Variants in PCNT observed in about 807,000 individuals in gnomAD.
PCNT encodes the protein pericentrin.
Under a neutral mutation model 380.4 loss-of-function variants are expected in PCNT, and 319 were observed. That is an observed-to-expected ratio of 0.84 (90% CI 0.77 to 0.92). PCNT has a LOEUF of 0.92. PCNT is among the 40% of genes least tolerant of loss of function. PCNT has a pLI of 0.00. For synonymous variants in PCNT, 1,845 were observed against 1,735.2 expected (o/e 1.06, Z -1.57); for missense variants, 4,400 against 4,255.3 (o/e 1.03, Z -0.95).
chr21:46,346,654 T>G, intron 4 of PCNT, 89 bp from the exon 5 acceptor site: 1 of 1,459,230 alleles, frequency 6.9e-7, no homozygotes, highest in Non-Finnish European at 9.3e-7. Context: ...TGTGTCTTCC[T>G]TACTCATTCT....
intron 1 of PCNT, chr21:46,324,895 A>G: frequency 3.0e-6 from 3 of 985,470 alleles, no homozygotes; most frequent in Non-Finnish European, 3.6e-6. Flanking sequence ...GCGGCGTTGC[A>G]GTCCTTACTG....
At chr21:46,381,978 G>T (rs1256877507) in intron 16 of PCNT, 138 bp downstream of exon 16, 1 of 863,568 alleles carries the variant, frequency 1.2e-6, no homozygotes, top group East Asian at 3.1e-5. Flanking sequence ...TTCAGTGGCG[G>T]AAGCGCATTC....
chr21:46,410,860 A>G (rs1208119052), intron 27 of PCNT, among the ~76,000 whole-genome samples: 5 of 152,244 alleles, frequency 3.3e-5, no homozygotes, highest in Admixed American at 2.0e-4. Context: ...AGGAAAATCA[A>G]ACAAATCAAA....
At chr21:46,382,034 CATTCAAT>C (rs2085565809) in intron 16 of PCNT, among the ~76,000 whole-genome samples, 194 bp downstream of exon 16, 10 of 146,530 alleles carry the variant, frequency 6.8e-5, no homozygotes, top group Admixed American at 2.0e-4. Flanking sequence ...CGGTGTTGTG[CATTCAAT>C]GGCGGAAGCG....
Position 46,401,562 on chromosome 21 carries a change from G to A in PCNT, c.4803G>A (p.Val1601=), listed in dbSNP as rs528474331. 2 of 1,613,058 alleles carry A rather than the reference G, an allele frequency of 1.2e-6. No homozygotes were observed. The highest frequency in any genetic ancestry group is 4.5e-5 in the East Asian group (2 of 44,878). ...TTTTTTTTTAATAGGATAAAGAGGT[G>A]TTAAAGAAACAGCAGATGAGTAGCT... The part of the protein sequence containing the change: ...IVKGLEQDKE[V]LKKQQMSSLL... Residue 1601 remains valine, a synonymous_variant, in exon 26 of 47, where the codon GTG becomes GTA. Transcript: ENST00000359568.
Position 46,390,728 on chromosome 21 carries a change from A to T in PCNT, c.3899A>T (p.Glu1300Val), listed in dbSNP as rs1569241273. The change falls in exon 20 of 47, where the codon GAG becomes GTG. Residue 1300 changes from glutamate (E) to valine (V), a missense_variant. Glu to Val is a moderately radical substitution (Grantham distance 121, BLOSUM62 -2). Transcript: ENST00000359568. ...GAAAAAGAATTTAGTTTTAAGAATG[A>T]GGAGACAGCACAGGTTGTCAGGAAG... is the stretch of plus-strand genomic sequence containing the variant. ...RFEKEFSFKNEETAQVVRKHQ... is the reference protein window; with the variant it reads ...RFEKEFSFKNVETAQVVRKHQ... 1 of 1,613,930 alleles carries T rather than the reference A, an allele frequency of 6.2e-7. No individual in the cohort carries two copies. Among genetic ancestry groups the T allele is most frequent in the Admixed American group, 1.7e-5 (1 of 60,030 alleles).
intron 43 of PCNT, among the ~76,000 whole-genome samples, chr21:46,442,267 C>G (rs2148111841): frequency 6.6e-6 from 1 of 152,208 alleles, no homozygotes; most frequent in Non-Finnish European, 1.5e-5. Context: ...GAGGCTTTGT[C>G]AGGTGGTTGG....
intron 29 of PCNT, among the ~76,000 whole-genome samples, chr21:46,413,507 G>A (rs1012693820): frequency 6.6e-6 from 1 of 152,228 alleles, no homozygotes; most frequent in Non-Finnish European, 1.5e-5. Flanking sequence ...GTTCTGTAAC[G>A]AGCTGTCCAT....
chr21:46,392,431 G>T (rs2086064297), intron 21 of PCNT, among the ~76,000 whole-genome samples: 1 of 152,172 alleles, frequency 6.6e-6, no homozygotes, highest in Non-Finnish European at 1.5e-5. Context: ...ATGTTAGCCA[G>T]CCTGGTCTCG....
rs3831820 is a variant in PCNT, at chr21:46,414,455, C to CCCTCCTCCTCCT, written c.6150+1464_6150+1475dup. 2.8e-3 allele frequency among the ~76,000 whole-genome samples: 341 copies of CCCTCCTCCTCCT among 122,938 alleles called. 5 individuals carry two copies. The highest frequency in any genetic ancestry group is 3.1e-3 in the Admixed American group (39 of 12,612). 80.7% of individuals were successfully genotyped at this position (122,938 alleles called of 152,430 possible). A position where few individuals can be genotyped will look rare whatever the true frequency, so the allele number is the denominator to read the frequency against. ...TCCTCCTCCTGGACACAGTCGCCCA[C>CCCTCCTCCTCCT]CCTCCTCCTCCTGGACACACAGCCG... On this transcript the variant is annotated intron_variant, in intron 29 of 46. Transcript: ENST00000359568.
Position 46,367,956 on chromosome 21 carries a change from T to C in PCNT, c.3165+817T>C, listed in dbSNP as rs182819206. 3.5e-4 allele frequency among the ~76,000 whole-genome samples: 54 copies of C among 152,284 alleles called. No homozygotes were observed. In the Middle Eastern group the frequency reaches 0.014, roughly 38 times the overall value. ...AGGAGGCTGAGGCAGTTGGATTACT[T>C]GAGCCCAGGAGTTTGAAACCAGCCT... is the stretch of plus-strand genomic sequence containing the variant. On this transcript the variant is annotated intron_variant, in intron 15 of 46. Transcript: ENST00000359568.
At chr21:46,363,147 G>T (rs553122481) in intron 13 of PCNT, among the ~76,000 whole-genome samples, 3 of 152,344 alleles carry the variant, frequency 2.0e-5, no homozygotes, top group African/African-American at 7.2e-5. Context: ...ACTGGTCTTG[G>T]TCTGAACAAA....
intron 21 of PCNT, among the ~76,000 whole-genome samples, chr21:46,393,186 C>T (rs943020835): frequency 1.3e-5 from 2 of 152,164 alleles, no homozygotes; most frequent in Non-Finnish European, 2.9e-5. Flanking sequence ...TGCGGGGGAA[C>T]CTCCAGGGCC....
chr21:46,353,947 G>C (rs1197934275), intron 10 of PCNT, 40 bp from the exon 11 acceptor site: 6 of 1,529,912 alleles, frequency 3.9e-6, no homozygotes, highest in Non-Finnish European at 5.4e-6. Context: ...ATGGAAAAGG[G>C]GTACGTGTGT....
Position 46,411,578 on chromosome 21 carries a change from G to C in PCNT, c.5505G>C (p.Leu1835=). The C allele has an allele frequency of 3.7e-6, 6 of 1,612,926 alleles. No homozygotes were observed. The highest frequency in any genetic ancestry group is 4.2e-6 in the Non-Finnish European group (5 of 1,179,808). The change falls in exon 28 of 47, where the codon CTG becomes CTC. Residue 1835 remains leucine, a synonymous_variant. Coordinates refer to ENST00000359568, the MANE Select transcript of PCNT (RefSeq NM_006031.6). Reference sequence around the variant, plus strand: ...CAGAGGAGGCTGCGGAGCTACAGCTGGCTGAGCTGGAGCGCAATGTAGCCC... The same window carrying C: ...CAGAGGAGGCTGCGGAGCTACAGCTCGCTGAGCTGGAGCGCAATGTAGCCC... ...QGAEEAAELQ[L]AELERNVALR...
At chr21:46,436,543 A>G (rs1254273712) in intron 39 of PCNT, among the ~76,000 whole-genome samples, 2 of 141,100 alleles carry the variant, frequency 1.4e-5, no homozygotes, top group African/African-American at 2.7e-5. Flanking sequence ...GACGATCGTG[A>G]TATTTCATAT....
At chr21:46,444,525 T>G (rs989161536) in intron 45 of PCNT, among the ~76,000 whole-genome samples, 169 bp from the exon 46 acceptor site, 3 of 152,182 alleles carry the variant, frequency 2.0e-5, no homozygotes, top group African/African-American at 7.2e-5. Context: ...CTGTGACACT[T>G]TTTGTAATGA....
chr21:46,438,098 A>T, intron 40 of PCNT, 66 bp from the exon 41 acceptor site: 1 of 1,313,634 alleles, frequency 7.6e-7, no homozygotes, highest in Non-Finnish European at 1.1e-6. Flanking sequence ...CTGTTGACAA[A>T]AAACACAAGT....
chr21:46,404,561 C>T (rs577289574), intron 27 of PCNT, among the ~76,000 whole-genome samples: 1 of 152,350 alleles, frequency 6.6e-6, no homozygotes, highest in South Asian at 2.1e-4. Context: ...TGTACGAAGT[C>T]CTCATAGTTT....
Sources: allele counts gnomAD v4.1 joint callset (sites outside exome capture counted in the v4.1 genomes callset), GRCh38; gene constraint gnomAD v4.1.1; transcripts MANE v1.5; gene names NCBI Gene and HGNC (gene_info 2026-07-23, HGNC 2026-07-21).